TOP1: variants seen among roughly 807,000 people sequenced by gnomAD.
TOP1 encodes DNA topoisomerase I.
Under a neutral mutation model 111.1 loss-of-function variants are expected in TOP1, and 10 were observed. That is an observed-to-expected ratio of 0.09 (90% CI 0.06 to 0.15). The LOEUF (loss-of-function observed/expected upper bound fraction) is 0.15. TOP1 is among the 10% of genes least tolerant of loss of function. The pLI is 1.00. For missense variants in TOP1, 474 were observed against 926.7 expected, an observed-to-expected ratio of 0.51 and a Z score of 6.34; for synonymous variants, 271 against 302.9, an observed-to-expected ratio of 0.89 and a Z score of 1.10.
chr20:41,109,127 G>A lies in TOP1; in HGVS notation c.1309-3655G>A, dbSNP rs896630448. 1.0e-3 allele frequency among the ~76,000 whole-genome samples: 159 copies of A among 152,232 alleles called. No homozygotes were observed. Among genetic ancestry groups the A allele is most frequent in the African/African-American group, 3.6e-3 (150 of 41,536 alleles). Reference sequence around the variant, plus strand: ...ATTCTGTGGGGTTCCAAAAATGTATGTGCTTACAACCTTTTATATGTAACC... The same window carrying A: ...ATTCTGTGGGGTTCCAAAAATGTATATGCTTACAACCTTTTATATGTAACC... On this transcript the variant is annotated intron_variant, in intron 13 of 20. Transcript: ENST00000361337. The surrounding 1 kb of genome is among the most constrained non-coding windows in gnomAD (Gnocchi z 4.1).
intron 8 of TOP1, among the ~76,000 whole-genome samples, chr20:41,088,536 C>T (rs548867016): frequency 1.5e-4 from 23 of 152,030 alleles, no homozygotes; most frequent in Middle Eastern, 3.4e-3. Context: ...ACACTGTAGT[C>T]GATGAGAAGA....
chr20:41,035,323 A>C (rs547296282), intron 2 of TOP1, among the ~76,000 whole-genome samples: 1 of 152,064 alleles, frequency 6.6e-6, no homozygotes, highest in Non-Finnish European at 1.5e-5. Flanking sequence ...CCTTCCCATC[A>C]GATTTGGGGT....
Position 41,029,209 on chromosome 20 carries a change from GC to G in TOP1, c.33+114del. On this transcript the variant is annotated intron_variant, in intron 1 of 20. Coordinates refer to ENST00000361337, the MANE Select transcript of TOP1 (RefSeq NM_003286.4). The surrounding 1 kb of genome is among the most constrained non-coding windows in gnomAD (Gnocchi z 6.1). ...GGCCCGGCAGCTTTGACAGGCCGGA[GC>G]CCCCGGTGAGGGGCCGCCTGCCGGA... 2.1e-6 allele frequency: 2 copies of G among 957,498 alleles called. No homozygotes were observed. The highest frequency in any genetic ancestry group is 2.8e-6 in the Non-Finnish European group (2 of 703,858). The allele number at this position is 957,498 out of a possible 1,614,324, so 59.3% of individuals were successfully genotyped here. A position where few individuals can be genotyped will look rare whatever the true frequency, so the allele number is the denominator to read the frequency against.
rs560352429 is a variant in TOP1, at chr20:41,102,703, A to G, written c.1308+1350A>G. On this transcript the variant is annotated intron_variant, in intron 13 of 20. Coordinates refer to ENST00000361337, the MANE Select transcript of TOP1 (RefSeq NM_003286.4). The surrounding 1 kb of genome is among the most constrained non-coding windows in gnomAD (Gnocchi z 4.0). The stretch of plus-strand genomic sequence containing the variant: ...GAAAGCGAACACTTATGTTGAGCAG[A>G]CTAGTCATTTAAAGAAACATGTATT... Among the ~76,000 whole-genome samples, 2 of 152,344 alleles carry G rather than the reference A, an allele frequency of 1.3e-5. No homozygotes were observed. The highest frequency in any genetic ancestry group is 4.1e-4 in the South Asian group (2 of 4,832).
intron 2 of TOP1, among the ~76,000 whole-genome samples, chr20:41,053,956 C>T (rs2033437119): frequency 6.6e-6 from 1 of 152,084 alleles, no homozygotes; most frequent in Non-Finnish European, 1.5e-5. Context: ...ATTCTTCCTT[C>T]ATGGGGGTTA....
chr20:41,113,715 CAAAAAA>C (rs987087793), intron 14 of TOP1, among the ~76,000 whole-genome samples: 1 of 103,654 alleles, frequency 9.6e-6, no homozygotes, highest in African/African-American at 3.1e-5. Flanking sequence ...ACTAAAAATA[CAAAAAA>C]AAAAAAAAAA....
rs985867055 is a variant in TOP1 at position 41,102,654 on chromosome 20, G to A, written c.1308+1301G>A. Reference sequence around the variant, plus strand: ...TAAATAAAAATAAAATGTAGTTTTTGTAGTTTAGATAAGTACAAAATCAGA... The same window carrying A: ...TAAATAAAAATAAAATGTAGTTTTTATAGTTTAGATAAGTACAAAATCAGA... On this transcript the variant is annotated intron_variant, in intron 13 of 20. Coordinates refer to ENST00000361337, the MANE Select transcript of TOP1 (RefSeq NM_003286.4). This position sits in a 1 kb window ranked among gnomAD's most constrained non-coding sequence, Gnocchi z 4.0. 1.3e-5 allele frequency among the ~76,000 whole-genome samples: 2 copies of A among 152,172 alleles called. No homozygotes were observed. The highest frequency in any genetic ancestry group is 4.8e-5 in the African/African-American group (2 of 41,442).
At chr20:41,066,310 T>A (rs1454832801) in intron 3 of TOP1, among the ~76,000 whole-genome samples, 1 of 151,924 alleles carries the variant, frequency 6.6e-6, no homozygotes, top group African/African-American at 2.4e-5. Context: ...TGTACATCCA[T>A]TTAAGTCTCG....
intron 2 of TOP1, among the ~76,000 whole-genome samples, chr20:41,048,074 A>T (rs79507025): frequency 0.013 from 2,003 of 151,728 alleles, 51 homozygotes; most frequent in African/African-American, 0.046. Flanking sequence ...TAGAGACTCA[A>T]TAGTCTAGGC....
Position 41,123,142 on chromosome 20 carries a change from T to C in TOP1, c.2196-53T>C, listed in dbSNP as rs9808586. 1,260 of 1,239,596 alleles carry C rather than the reference T, an allele frequency of 1.0e-3. 15 individuals are homozygous for C. In the African/African-American group the frequency reaches 0.016, roughly 15 times the overall value. 76.8% of individuals were successfully genotyped at this position (1,239,596 alleles called of 1,614,324 possible). On this transcript the variant is annotated intron_variant, in intron 20 of 20. Transcript: ENST00000361337. This position sits in a 1 kb window ranked among gnomAD's most constrained non-coding sequence, Gnocchi z 5.8. ...AACATCTGACCCTGGGCCTCAGATA[T>C]GGGCCATTGCTGAGTCACCCTAATC...
chr20:41,041,064 C>T (rs2033258145), intron 2 of TOP1, among the ~76,000 whole-genome samples: 1 of 152,100 alleles, frequency 6.6e-6, no homozygotes, highest in African/African-American at 2.4e-5. Context: ...GGAAGTCTGC[C>T]TGCATTACCA....
chr20:41,043,413 TA>T (rs1190915022), intron 2 of TOP1, among the ~76,000 whole-genome samples: 1 of 152,194 alleles, frequency 6.6e-6, no homozygotes, highest in Non-Finnish European at 1.5e-5. Context: ...TTCTGGAGTA[TA>T]AAAAAATTTA....
At position 41,079,353 on chromosome 20, in the gene TOP1, TTGTTCCTTCTC is replaced by T. The variant is rs1170332265; in HGVS notation, c.336-727_336-717del. On this transcript the variant is annotated intron_variant, in intron 5 of 20. Coordinates refer to ENST00000361337, the MANE Select transcript of TOP1 (RefSeq NM_003286.4). The surrounding 1 kb of genome is among the most constrained non-coding windows in gnomAD (Gnocchi z 4.0). ...TGCTGGGCTCTATGGTGTTTTTTAC[TTGTTCCTTCTC>T]TGTTTTGGTTCAAGATGTTTGTCTC... 6.6e-6 allele frequency among the ~76,000 whole-genome samples: 1 copy of T among 152,216 alleles called. No individual in the cohort carries two copies. Among genetic ancestry groups the T allele is most frequent in the Non-Finnish European group, 1.5e-5 (1 of 68,020 alleles).
In TOP1 at chr20:41,121,650, AT is replaced by A. The variant is rs2145973487; in HGVS notation, c.1951-41del. ...TGGTTTCACCTTCTCAGGTGGAGCC[AT>A]TTTTCCTCTACAGCTCATAACCTTA... is the stretch of plus-strand genomic sequence containing the variant. On this transcript the variant is annotated intron_variant, in intron 18 of 20. Coordinates refer to ENST00000361337, the MANE Select transcript of TOP1 (RefSeq NM_003286.4). The surrounding 1 kb of genome is among the most constrained non-coding windows in gnomAD (Gnocchi z 4.2). 6.6e-7 allele frequency: 1 copy of A among 1,516,622 alleles called. No individual in the cohort carries two copies. The highest frequency in any genetic ancestry group is 9.2e-7 in the Non-Finnish European group (1 of 1,091,770). The allele number at this position is 1,516,622 out of a possible 1,614,324, so 93.9% of individuals were successfully genotyped here.
At chr20:41,057,149 T>G (rs1439704622) in intron 2 of TOP1, among the ~76,000 whole-genome samples, 2 of 151,838 alleles carry the variant, frequency 1.3e-5, no homozygotes, top group African/African-American at 4.8e-5. Flanking sequence ...ACCTGTAGTC[T>G]CAGCTACTCG....
At position 41,122,275 on chromosome 20, in the gene TOP1, A is replaced by G; in HGVS notation, c.2195+120A>G. ...GCTACACACTTTAGTCCTCTGGGGAAACTTCTGGCTTCAGCTGTGTACAAG... is the reference window on the plus strand; with the variant it reads ...GCTACACACTTTAGTCCTCTGGGGAGACTTCTGGCTTCAGCTGTGTACAAG... On this transcript the variant is annotated intron_variant, in intron 20 of 20. Transcript: ENST00000361337. This position sits in a 1 kb window ranked among gnomAD's most constrained non-coding sequence, Gnocchi z 5.4. 1 of 1,059,164 alleles carries G rather than the reference A, an allele frequency of 9.4e-7. No individual in the cohort carries two copies. Among genetic ancestry groups the G allele is most frequent in the Non-Finnish European group, 1.4e-6 (1 of 715,738 alleles). 65.6% of individuals were successfully genotyped at this position (1,059,164 alleles called of 1,614,324 possible).
chr20:41,107,604 A>T (rs1043627340), intron 13 of TOP1, among the ~76,000 whole-genome samples: 9 of 152,120 alleles, frequency 5.9e-5, no homozygotes, highest in Admixed American at 1.3e-4. Context: ...TGTTCTTTCT[A>T]GATTTTACAT....
At chr20:41,031,959 T>C (rs2033125413) in intron 2 of TOP1, among the ~76,000 whole-genome samples, 1 of 152,382 alleles carries the variant, frequency 6.6e-6, no homozygotes, top group Admixed American at 6.5e-5. Context: ...TTGTGAATAT[T>C]GTCTGGAAGA....
intron 13 of TOP1, among the ~76,000 whole-genome samples, chr20:41,105,580 C>A (rs774594981): frequency 1.5e-4 from 23 of 152,206 alleles, no homozygotes; most frequent in Admixed American, 5.2e-4. Context: ...TCACTGTGAC[C>A]TCTGCCTCCC....
Sources: allele counts gnomAD v4.1 joint callset (sites outside exome capture counted in the v4.1 genomes callset), GRCh38; gene constraint gnomAD v4.1.1; non-coding constraint Gnocchi (gnomAD v3.1); transcripts MANE v1.5; gene names NCBI Gene and HGNC (gene_info 2026-07-23, HGNC 2026-07-21).